The following DTNBP1 variants were observed in gnomAD, a reference collection of about 807,000 sequenced individuals.
DTNBP1 encodes dystrobrevin binding protein 1, also known as dysbindin.
DTNBP1 carries 35 observed loss-of-function variants against 42.8 expected under a neutral mutation model. That is an observed-to-expected ratio of 0.82 (90% CI 0.63 to 1.09). The LOEUF is 1.09. DTNBP1 is among the 50% of genes least tolerant of loss of function. DTNBP1 has a pLI of 0.00. For missense variants in DTNBP1, 457 were observed against 424.2 expected, an observed-to-expected ratio of 1.08 and a Z score of -0.68; for synonymous variants, 171 against 162.2, an observed-to-expected ratio of 1.05 and a Z score of -0.41.
At chr6:15,579,482 C>CA (rs1475096549) in intron 7 of DTNBP1, among the ~76,000 whole-genome samples, 2 of 152,224 alleles carry the variant, frequency 1.3e-5, no homozygotes, top group Non-Finnish European at 2.9e-5. Context: ...GTGACTATAA[C>CA]AATTTATTGT....
intron 3 of DTNBP1, among the ~76,000 whole-genome samples, chr6:15,649,590 C>G (rs931726504): frequency 1.3e-5 from 2 of 152,110 alleles, no homozygotes; most frequent in African/African-American, 4.8e-5. Context: ...GATGCACAAC[C>G]ATGTGAACGT....
At chr6:15,534,799 T>C (rs548864959) in intron 7 of DTNBP1, among the ~76,000 whole-genome samples, 21 of 152,252 alleles carry the variant, frequency 1.4e-4, no homozygotes, top group African/African-American at 3.4e-4. Flanking sequence ...ATCTGAAAAT[T>C]TGGGATAGAA....
chr6:15,578,692 C>T (rs1313736621), intron 7 of DTNBP1, among the ~76,000 whole-genome samples: 1 of 152,116 alleles, frequency 6.6e-6, no homozygotes, highest in East Asian at 1.9e-4. Flanking sequence ...GAAGAAATAA[C>T]AAGCTAATAT....
chr6:15,556,976 A>G (rs4498340), intron 7 of DTNBP1, among the ~76,000 whole-genome samples: 68,965 of 151,940 alleles, frequency 0.45, 16,566 homozygotes, highest in East Asian at 0.65. Flanking sequence ...CTTTGGAGCC[A>G]TTAGATTCTA....
At chr6:15,579,178 A>T (rs1018208380) in intron 7 of DTNBP1, among the ~76,000 whole-genome samples, 1 of 152,254 alleles carries the variant, frequency 6.6e-6, no homozygotes, top group Non-Finnish European at 1.5e-5. Context: ...GATAAAGAAA[A>T]TGTGGTATGT....
intron 2 of DTNBP1, 115 bp downstream of exon 2, chr6:15,651,972 G>T: frequency 2.4e-6 from 2 of 844,264 alleles, no homozygotes; most frequent in East Asian, 2.6e-5. Flanking sequence ...TTATTTTGTA[G>T]TCAGATGCAC....
intron 7 of DTNBP1, among the ~76,000 whole-genome samples, chr6:15,572,182 T>C (rs1041833851): frequency 6.6e-6 from 1 of 152,110 alleles, no homozygotes; most frequent in Admixed American, 6.5e-5. Context: ...CTCATACAAA[T>C]GAGAAAAAAA....
intron 8 of DTNBP1, among the ~76,000 whole-genome samples, chr6:15,531,411 C>T (rs62396143): frequency 5.9e-5 from 9 of 152,082 alleles, no homozygotes; most frequent in Non-Finnish European, 1.2e-4. Context: ...TCGGAGGAAA[C>T]GCACAGAGGA....
intron 7 of DTNBP1, among the ~76,000 whole-genome samples, chr6:15,581,310 G>C (rs991005608): frequency 6.6e-6 from 1 of 151,962 alleles, no homozygotes; most frequent in African/African-American, 2.4e-5. Flanking sequence ...CTTCCGAGTA[G>C]CTGGGATTAC....
chr6:15,585,727 C>T, intron 7 of DTNBP1: 1 of 1,535,140 alleles, frequency 6.5e-7, no homozygotes, highest in Non-Finnish European at 8.7e-7. Context: ...ACAGGGATCC[C>T]TCTGACTATT....
Position 15,636,157 on chromosome 6 carries a change from C to CTTTTTTTTT in DTNBP1, c.222+1578_222+1586dup, listed in dbSNP as rs70996562. 3.9e-5 allele frequency among the ~76,000 whole-genome samples: 5 copies of CTTTTTTTTT among 127,028 alleles called. 1 individual carries two copies. The highest frequency in any genetic ancestry group is 2.5e-4 in the South Asian group (1 of 3,978). 83.3% of individuals were successfully genotyped at this position (127,028 alleles called of 152,430 possible). ...GTCAAAGAACACAAATTACCTGCAC[C>CTTTTTTTTT]TTTTTTTTTTTTTTTGAGACAGAGT... On this transcript the variant is annotated intron_variant, in intron 4 of 9. Transcript: ENST00000344537.
chr6:15,562,271 G>A (rs565933908), intron 7 of DTNBP1, among the ~76,000 whole-genome samples: 1 of 152,190 alleles, frequency 6.6e-6, no homozygotes, highest in African/African-American at 2.4e-5. Context: ...GTCTGGATCA[G>A]GACCCCTTTC....
At chr6:15,548,300 C>T (rs1773997000) in intron 7 of DTNBP1, 1 of 152,162 alleles carries the variant, frequency 6.6e-6, no homozygotes, top group African/African-American at 2.4e-5. Context: ...TAAATAATCA[C>T]ACATTTAAAA....
intron 7 of DTNBP1, among the ~76,000 whole-genome samples, chr6:15,583,012 C>T (rs1487496738): frequency 6.6e-6 from 1 of 152,156 alleles, no homozygotes; most frequent in Non-Finnish European, 1.5e-5. Flanking sequence ...CAGGGTCTTG[C>T]TCTGTTGCCC....
Position 15,559,408 on chromosome 6 carries a change from A to C in DTNBP1, c.512-26013T>G, listed in dbSNP as rs980237729. Among the ~76,000 whole-genome samples the C allele has an allele frequency of 3.3e-5, 5 of 152,170 alleles. No individual in the cohort carries two copies. In the East Asian group the frequency reaches 9.6e-4, roughly 29 times the overall value. On this transcript the variant is annotated intron_variant, in intron 7 of 9. Coordinates refer to ENST00000344537, the MANE Select transcript of DTNBP1 (RefSeq NM_032122.5). The stretch of plus-strand genomic sequence containing the variant: ...TTGAAGTGTCATCTTGTTTTATCCT[A>C]CACAACAACAACAAACCATTTCTCA...
intron 6 of DTNBP1, among the ~76,000 whole-genome samples, chr6:15,614,773 T>G (rs536267214): frequency 6.6e-6 from 1 of 152,328 alleles, no homozygotes; most frequent in South Asian, 2.1e-4. Flanking sequence ...GGGTACATCA[T>G]TATCCCATCA....
chr6:15,609,716 T>C (rs1758287459), intron 6 of DTNBP1, among the ~76,000 whole-genome samples: 2 of 152,196 alleles, frequency 1.3e-5, no homozygotes, highest in African/African-American at 4.8e-5. Flanking sequence ...TTCAGTTGTT[T>C]TCATTTTGGA....
intron 7 of DTNBP1, among the ~76,000 whole-genome samples, chr6:15,577,855 A>G (rs978244213): frequency 1.3e-5 from 2 of 152,234 alleles, no homozygotes; most frequent in Admixed American, 1.3e-4. Context: ...GTGGGAAGGT[A>G]AAGAGCTTGG....
At chr6:15,603,793 T>G (rs1776822940) in intron 6 of DTNBP1, among the ~76,000 whole-genome samples, 1 of 152,142 alleles carries the variant, frequency 6.6e-6, no homozygotes, top group Admixed American at 6.5e-5. Flanking sequence ...AATACCTCAG[T>G]AATTATGAGT....
Sources: gnomAD v4.1 joint callset for allele counts (sites outside exome capture counted in the v4.1 genomes callset) on GRCh38, gnomAD v4.1.1 for gene constraint, MANE v1.5 for transcripts, NCBI Gene and HGNC (gene_info 2026-07-23, HGNC 2026-07-21) for gene names.